Variants in PTDSS2 observed in about 807,000 individuals in gnomAD.
PTDSS2 encodes the protein PSS-2.
Under a neutral mutation model 64.7 loss-of-function variants are expected in PTDSS2, and 41 were observed. The ratio of observed to expected loss-of-function variants is 0.63; its 90% CI spans 0.49 to 0.82. The LOEUF (loss-of-function observed/expected upper bound fraction) is 0.82, where lower values mean the gene tolerates loss of function less well. Among genes scored for constraint, PTDSS2 ranks in the 40% least tolerant of loss-of-function variants. The pLI, the probability that PTDSS2 is intolerant of heterozygous loss-of-function variation, is 0.00. For synonymous variants in PTDSS2, 297 were observed against 277.8 expected (o/e 1.07, Z -0.69); for missense variants, 485 against 650.0 (o/e 0.75, Z 2.76).
intron 4 of PTDSS2, among the ~76,000 whole-genome samples, chr11:486,285 A>G (rs1263514137): frequency 2.8e-5 from 4 of 143,098 alleles, no homozygotes; most frequent in Non-Finnish European, 6.2e-5. Flanking sequence ...CTGAGCGCGC[A>G]TGCGGGGAGG....
At chr11:481,655 C>T (rs1018753387) in intron 4 of PTDSS2, among the ~76,000 whole-genome samples, 5 of 152,148 alleles carry the variant, frequency 3.3e-5, no homozygotes, top group African/African-American at 1.2e-4. Context: ...GCTCGTTACT[C>T]ATGTATGGAA....
chr11:450,413 TGG>T lies in PTDSS2; in HGVS notation c.-40_-39del. The T allele has an allele frequency of 8.2e-7, 1 of 1,216,900 alleles. No homozygotes were observed. Among genetic ancestry groups the T allele is most frequent in the Non-Finnish European group, 1.0e-6 (1 of 977,376 alleles). The allele number at this position is 1,216,900 out of a possible 1,614,324, so 75.4% of individuals were successfully genotyped here. A position where few individuals can be genotyped will look rare whatever the true frequency, so the allele number is the denominator to read the frequency against. On this transcript the variant is annotated 5_prime_UTR_variant, in exon 1 of 12. Transcript: ENST00000308020. ...CCTCTCGCCGGTGACCCGGTGTGCG[TGG>T]GGTCGAGGCGCCGGGCGGAGTGGCT...
In PTDSS2 at chr11:450,648, TGGGCGGCCGCG is replaced by T. The variant is rs1846271707; in HGVS notation, c.182+19_182+29del. On this transcript the variant is annotated intron_variant, in intron 1 of 11. Transcript: ENST00000308020. ...CAACACCTTCTTCTGGTGAGGGCAG[TGGGCGGCCGCG>T]GGGCGGCGAGGGTGCCCTCGACCTG... 7 of 1,243,040 alleles carry T rather than the reference TGGGCGGCCGCG, an allele frequency of 5.6e-6. No homozygotes were observed. In the South Asian group the frequency reaches 2.1e-4, roughly 37 times the overall value. The allele number at this position is 1,243,040 out of a possible 1,614,324, so 77.0% of individuals were successfully genotyped here. A position where few individuals can be genotyped will look rare whatever the true frequency, so the allele number is the denominator to read the frequency against.
intron 2 of PTDSS2, among the ~76,000 whole-genome samples, chr11:467,860 G>C (rs548039154): frequency 4.6e-5 from 7 of 152,286 alleles, no homozygotes; most frequent in Admixed American, 2.6e-4. Flanking sequence ...ATGCAGGCCA[G>C]GCATGGTGGC....
chr11:474,008 C>T, intron 3 of PTDSS2, 31 bp downstream of exon 3: 1 of 1,555,732 alleles, frequency 6.4e-7, no homozygotes. Context: ...CCGTGTGCCC[C>T]TGTGGCATTT....
chr11:484,515 T>C (rs1362714089), intron 4 of PTDSS2, among the ~76,000 whole-genome samples: 1 of 152,034 alleles, frequency 6.6e-6, no homozygotes, highest in Non-Finnish European at 1.5e-5. Context: ...GGGGTGCGTG[T>C]GTGCTGTGTG....
chr11:487,463 A>T lies in PTDSS2; in HGVS notation c.614A>T (p.Tyr205Phe). The change falls in exon 6 of 12, where the codon TAC becomes TTC. Residue 205 changes from tyrosine (Y) to phenylalanine (F), a missense_variant. Tyr to Phe is a conservative substitution (Grantham distance 22). This residue lies in a region of PTDSS2 where 251 missense variants were observed against 348.0 expected (regional missense o/e 0.72). Coordinates refer to ENST00000308020, the MANE Select transcript of PTDSS2 (RefSeq NM_030783.3). The stretch of plus-strand genomic sequence containing the variant: ...GTTCCCGCGCACTTTCTTGGCTGGT[A>T]CCTGAAGGTACGGCACCTCCTCTTC... ...GFVPAHFLGW[Y>F]LKTLMIRDWW... is the part of the protein sequence containing the mutation. The T allele has an allele frequency of 5.6e-6, 9 of 1,613,758 alleles. No homozygotes were observed. The highest frequency in any genetic ancestry group is 7.6e-6 in the Non-Finnish European group (9 of 1,179,928).
In PTDSS2 at chr11:490,569, C is replaced by T; in HGVS notation, c.1451C>T (p.Pro484Leu). 1.3e-6 allele frequency: 2 copies of T among 1,598,636 alleles called. No homozygotes were observed. The highest frequency in any genetic ancestry group is 1.7e-6 in the Non-Finnish European group (2 of 1,173,344). ...GPGVAEGEGAPTPN is the reference protein window; with the variant it reads ...GPGVAEGEGALTPN ...GGGGTGGCCGAGGGCGAGGGAGCAC[C>T]AACTCCAAACTGACCTGGGCCGTGG... Residue 484 changes from proline (P) to leucine (L), a missense_variant, in exon 12 of 12, where the codon CCA (proline) becomes CTA (leucine). By Grantham distance (98) the Pro-to-Leu change is moderately conservative. Coordinates refer to ENST00000308020, the MANE Select transcript of PTDSS2 (RefSeq NM_030783.3).
chr11:480,877 T>C (rs1415851946), intron 4 of PTDSS2, among the ~76,000 whole-genome samples: 1 of 152,178 alleles, frequency 6.6e-6, no homozygotes, highest in Non-Finnish European at 1.5e-5. Context: ...GGTCAGGAGA[T>C]GGAGACCATC....
chr11:477,779 G>T (rs1847878296), intron 3 of PTDSS2, among the ~76,000 whole-genome samples: 1 of 152,236 alleles, frequency 6.6e-6, no homozygotes, highest in South Asian at 2.1e-4. Context: ...TGTGGGGCGA[G>T]GGCTGCCCCG....
At chr11:487,616 AG>A in intron 6 of PTDSS2, 146 bp downstream of exon 6, 1 of 756,632 alleles carries the variant, frequency 1.3e-6, no homozygotes, top group Non-Finnish European at 2.3e-6. Context: ...AGGTTCGAGA[AG>A]CCGTGGGGCT....
At chr11:471,086 C>G (rs1025134354) in intron 2 of PTDSS2, among the ~76,000 whole-genome samples, 16 of 149,320 alleles carry the variant, frequency 1.1e-4, no homozygotes, top group Non-Finnish European at 2.2e-4. Flanking sequence ...TTCTCAAGTA[C>G]TTAAGTAATT....
intron 3 of PTDSS2, among the ~76,000 whole-genome samples, chr11:477,519 G>A (rs530681213): frequency 3.3e-4 from 50 of 152,310 alleles, no homozygotes; most frequent in Middle Eastern, 3.4e-3. Flanking sequence ...GGTGCTGGTC[G>A]GGTGGGAAGC....
At chr11:456,626 G>A (rs1267752296) in intron 1 of PTDSS2, among the ~76,000 whole-genome samples, 7 of 152,320 alleles carry the variant, frequency 4.6e-5, no homozygotes, top group Middle Eastern at 3.4e-3. Flanking sequence ...AGCCCAGCCC[G>A]TTTCCCCTCA....
At chr11:485,042 CTG>C (rs56665638) in intron 4 of PTDSS2, among the ~76,000 whole-genome samples, 2,814 of 127,332 alleles carry the variant, frequency 0.022, 169 homozygotes, top group African/African-American at 0.086. Flanking sequence ...TGTGTGCTCA[CTG>C]TGTGCGCAGG....
At chr11:472,386 C>T (rs939963104) in intron 2 of PTDSS2, among the ~76,000 whole-genome samples, 3 of 152,220 alleles carry the variant, frequency 2.0e-5, no homozygotes, top group African/African-American at 7.2e-5. Context: ...GGGACGCGGG[C>T]CCCACCTTGC....
chr11:486,332 G>A (rs944783337), intron 4 of PTDSS2, among the ~76,000 whole-genome samples: 1 of 152,306 alleles, frequency 6.6e-6, no homozygotes, highest in East Asian at 1.9e-4. Context: ...GTAACTCAGG[G>A]CCCCATCCCG....
chr11:490,482 G>C lies in PTDSS2; in HGVS notation c.1364G>C (p.Gly455Ala). The part of the protein sequence containing the change: ...WQKWQNKDDQ[G>A]STVGNGDQHP... The stretch of plus-strand genomic sequence containing the variant: ...AAGTGGCAGAACAAGGATGACCAGG[G>C]CAGCACCGTCGGCAACGGGGACCAG... Residue 455 changes from glycine to alanine, a missense_variant, in exon 12 of 12, where the codon GGC (glycine) becomes GCC (alanine). By Grantham distance (60) the Gly-to-Ala change is moderately conservative. Coordinates refer to ENST00000308020, the MANE Select transcript of PTDSS2 (RefSeq NM_030783.3). 6.2e-7 allele frequency: 1 copy of C among 1,613,216 alleles called. No individual in the cohort carries two copies.
chr11:453,135 G>T (rs551943423), intron 1 of PTDSS2, among the ~76,000 whole-genome samples: 2 of 152,172 alleles, frequency 1.3e-5, no homozygotes, highest in African/African-American at 4.8e-5. Flanking sequence ...GGGATAGGGC[G>T]TGCGGTTCGA....
Sources: gnomAD v4.1 joint callset for allele counts (sites outside exome capture counted in the v4.1 genomes callset) on GRCh38, gnomAD v4.1.1 for gene constraint, gnomAD v4.1.1 regional missense constraint, MANE v1.5 for transcripts, NCBI Gene and HGNC (gene_info 2026-07-23, HGNC 2026-07-21) for gene names.